ROBO1: variants seen among roughly 807,000 people sequenced by gnomAD.
The protein encoded by ROBO1 is roundabout guidance receptor 1.
In ROBO1, 149 loss-of-function variants were observed where a neutral mutation model predicts 195.9. The observed-to-expected ratio is 0.76, with a 90% confidence interval of 0.67 to 0.87. The LOEUF (loss-of-function observed/expected upper bound fraction) is 0.87. Ranked by LOEUF, ROBO1 falls within the 40% of genes least tolerant of loss-of-function variation. The pLI, the probability that ROBO1 is intolerant of heterozygous loss-of-function variation, is 0.00. For synonymous variants in ROBO1, 816 were observed against 733.2 expected (o/e 1.11, Z -1.82); for missense variants, 1,933 against 2,068.3 (o/e 0.93, Z 1.27).
intron 4 of ROBO1, among the ~76,000 whole-genome samples, chr3:78,898,007 A>C (rs2107440325): frequency 6.6e-6 from 1 of 151,820 alleles, no homozygotes; most frequent in Admixed American, 6.6e-5. Flanking sequence ...AAATTTAAAT[A>C]TAATATATAA....
In ROBO1 at chr3:79,650,810, T is replaced by G. The variant is rs371905034; in HGVS notation, c.-50-60849A>C. Among the ~76,000 whole-genome samples, 3 of 152,022 alleles carry G rather than the reference T, an allele frequency of 2.0e-5. No individual in the cohort carries two copies. In the East Asian group the frequency reaches 5.8e-4, roughly 29 times the overall value. On this transcript the variant is annotated intron_variant, in intron 1 of 30. Coordinates refer to ENST00000464233, the MANE Select transcript of ROBO1 (RefSeq NM_002941.4). ...TGATATTTATGACATTTCTGGCAACTGTACCATATAAAGGCCTGAGTCAGA... is the reference window on the plus strand; with the variant it reads ...TGATATTTATGACATTTCTGGCAACGGTACCATATAAAGGCCTGAGTCAGA...
At chr3:78,616,541 T>C (rs1034485654) in intron 27 of ROBO1, among the ~76,000 whole-genome samples, 6 of 152,122 alleles carry the variant, frequency 3.9e-5, no homozygotes, top group South Asian at 2.1e-4. Context: ...TATCTGAATA[T>C]ATTCTACACT....
Position 78,631,232 on chromosome 3 carries a change from C to T in ROBO1, c.3555G>A (p.Leu1185=), listed in dbSNP as rs1211107950. ...PKQGGMNWAD[L]LPPPPAHPPP... ...GAGGATGTGCTGGGGGAGGAGGAAG[C>T]AGGTCTGCCCAGTTCATGCCACCCT... The change falls in exon 25 of 31, where the codon CTG becomes CTA. Residue 1185 remains leucine (L), a synonymous_variant. Transcript: ENST00000464233. The T allele has an allele frequency of 6.2e-7, 1 of 1,613,404 alleles. No individual in the cohort carries two copies. Among genetic ancestry groups the T allele is most frequent in the East Asian group, 2.2e-5 (1 of 44,780 alleles).
chr3:79,352,902 C>T (rs2035400709), intron 2 of ROBO1, among the ~76,000 whole-genome samples: 1 of 152,058 alleles, frequency 6.6e-6, no homozygotes, highest in African/African-American at 2.4e-5. Context: ...ATTTAAAAAT[C>T]TCAAACAGAA....
At chr3:79,352,845 G>T (rs1228344298) in intron 2 of ROBO1, among the ~76,000 whole-genome samples, 1 of 152,150 alleles carries the variant, frequency 6.6e-6, no homozygotes, top group Non-Finnish European at 1.5e-5. Context: ...ATTTATAGAT[G>T]TCTATTTCTT....
intron 2 of ROBO1, among the ~76,000 whole-genome samples, chr3:79,345,104 C>T (rs933494685): frequency 5.9e-5 from 9 of 152,062 alleles, no homozygotes; most frequent in Non-Finnish European, 1.0e-4. Flanking sequence ...GAGGGATAAT[C>T]TATATGTGAT....
At chr3:79,708,082 G>T (rs1024411883) in intron 1 of ROBO1, among the ~76,000 whole-genome samples, 2 of 152,048 alleles carry the variant, frequency 1.3e-5, no homozygotes, top group Admixed American at 1.3e-4. Context: ...TGCTACTGTG[G>T]CATATTGACC....
intron 1 of ROBO1, among the ~76,000 whole-genome samples, chr3:79,736,059 G>A (rs964734741): frequency 1.8e-4 from 27 of 152,134 alleles, no homozygotes; most frequent in African/African-American, 6.5e-4. Flanking sequence ...AAAAAATTAA[G>A]TAAATGAGGC....
intron 11 of ROBO1, among the ~76,000 whole-genome samples, chr3:78,669,275 G>A (rs938839885): frequency 6.6e-6 from 1 of 152,200 alleles, no homozygotes; most frequent in Admixed American, 6.5e-5. Flanking sequence ...AAGAAAGAAT[G>A]TTGTCATCTT....
intron 2 of ROBO1, among the ~76,000 whole-genome samples, chr3:79,368,847 C>T (rs1174913068): frequency 6.6e-6 from 1 of 152,060 alleles, no homozygotes; most frequent in Non-Finnish European, 1.5e-5. Context: ...TACTTAGATA[C>T]CCCCAACAGA....
At chr3:78,852,349 G>T (rs905985187) in intron 4 of ROBO1, among the ~76,000 whole-genome samples, 2 of 152,044 alleles carry the variant, frequency 1.3e-5, no homozygotes, top group African/African-American at 4.8e-5. Flanking sequence ...TCTCTCTTCG[G>T]CATGGAAGAG....
At chr3:79,138,681 T>G (rs2080463448) in intron 2 of ROBO1, among the ~76,000 whole-genome samples, 1 of 151,860 alleles carries the variant, frequency 6.6e-6, no homozygotes, top group African/African-American at 2.4e-5. Context: ...GGATATAAAA[T>G]GTAATAAATT....
chr3:79,182,759 C>T (rs192523868), intron 2 of ROBO1, among the ~76,000 whole-genome samples: 2 of 152,202 alleles, frequency 1.3e-5, no homozygotes, highest in Non-Finnish European at 1.5e-5. Context: ...CCCACTTCTC[C>T]CACGAATGGT....
chr3:79,222,631 A>C (rs1414094255), intron 2 of ROBO1, among the ~76,000 whole-genome samples: 1 of 151,900 alleles, frequency 6.6e-6, no homozygotes, highest in Non-Finnish European at 1.5e-5. Context: ...CTTTAAAAAA[A>C]AAAACAGAAG....
intron 1 of ROBO1, among the ~76,000 whole-genome samples, chr3:79,641,258 A>G (rs1945650701): frequency 6.6e-6 from 1 of 152,122 alleles, no homozygotes; most frequent in Non-Finnish European, 1.5e-5. Flanking sequence ...TACTAATCAA[A>G]ATCTGATTTA....
At chr3:79,761,543 C>T (rs1704697803) in intron 1 of ROBO1, among the ~76,000 whole-genome samples, 1 of 152,108 alleles carries the variant, frequency 6.6e-6, no homozygotes, top group African/African-American at 2.4e-5. Context: ...GCTAATCAAA[C>T]TTGTCATAAT....
At chr3:79,733,603 C>G (rs1382355245) in intron 1 of ROBO1, among the ~76,000 whole-genome samples, 1 of 152,198 alleles carries the variant, frequency 6.6e-6, no homozygotes, top group Non-Finnish European at 1.5e-5. Context: ...CAGACTATTT[C>G]CTTTCTTATT....
chr3:78,968,938 T>G (rs1186656695), intron 3 of ROBO1, among the ~76,000 whole-genome samples: 1 of 152,174 alleles, frequency 6.6e-6, no homozygotes, highest in Non-Finnish European at 1.5e-5. Context: ...TTTTAAATAT[T>G]TACAGATGGT....
intron 10 of ROBO1, among the ~76,000 whole-genome samples, chr3:78,680,163 C>T (rs1408621477): frequency 1.1e-4 from 17 of 152,158 alleles, no homozygotes; most frequent in Non-Finnish European, 1.9e-4. Flanking sequence ...CTTCCTTACA[C>T]CTTATACAAA....
Sources: gnomAD v4.1 joint callset for allele counts (sites outside exome capture counted in the v4.1 genomes callset) on GRCh38, gnomAD v4.1.1 for gene constraint, MANE v1.5 for transcripts, NCBI Gene and HGNC (gene_info 2026-07-23, HGNC 2026-07-21) for gene names.